Variants in ADAMTS7 observed in about 807,000 individuals in gnomAD.
The protein encoded by ADAMTS7 is A disintegrin and metalloproteinase with thrombospondin motifs 7.
In ADAMTS7, 89 loss-of-function variants were observed where a neutral mutation model predicts 172.6. The observed-to-expected ratio is 0.52, with a 90% CI of 0.43 to 0.61. The LOEUF (loss-of-function observed/expected upper bound fraction) is 0.61, where lower values mean the gene tolerates loss of function less well. Ranked by LOEUF, ADAMTS7 falls within the 20% of genes least tolerant of loss-of-function variation. ADAMTS7 has a pLI of 0.00. For missense variants in ADAMTS7, 1,973 were observed against 2,355.6 expected (o/e 0.84, Z 3.36); for synonymous variants, 885 against 978.4 (o/e 0.90, Z 1.78).
chr15:78,770,378 A>G (rs995290785), intron 16 of ADAMTS7, among the ~76,000 whole-genome samples: 4 of 148,938 alleles, frequency 2.7e-5, no homozygotes, highest in African/African-American at 1.0e-4. Flanking sequence ...AGTGTCAACA[A>G]TGGGAAGACT....
rs201113162 is a variant in ADAMTS7, at chr15:78,771,851, T to G, written c.2132-22A>C. On this transcript the variant is annotated intron_variant, in intron 14 of 23. Transcript: ENST00000388820. The surrounding 1 kb of genome is among the most constrained non-coding windows in gnomAD (Gnocchi z 4.9). ...TACCCTGTCAGCCAAGGGTTGTGCA[T>G]AGGTTGTGCCCAGGGTGAGAGGGTT... 9 of 1,603,680 alleles carry G rather than the reference T, an allele frequency of 5.6e-6. No individual in the cohort carries two copies. The highest frequency in any genetic ancestry group is 6.8e-6 in the Non-Finnish European group (8 of 1,177,752).
At chr15:78,777,013 A>G (rs1259081205) in intron 9 of ADAMTS7, 172 bp from the exon 10 acceptor site, 2 of 626,122 alleles carry the variant, frequency 3.2e-6, no homozygotes, top group Admixed American at 5.4e-5. Flanking sequence ...TCCCCGGACC[A>G]TGTGGTGGTG....
Position 78,811,299 on chromosome 15 carries a change from T to C in ADAMTS7, c.-79A>G. Reference sequence around the variant, plus strand: ...CGTCCGGTCGCTGCCTGGTCCCAGGTCCGGCTCAGGACATGCCCGGCCGGC... The same window carrying C: ...CGTCCGGTCGCTGCCTGGTCCCAGGCCCGGCTCAGGACATGCCCGGCCGGC... On this transcript the variant is annotated 5_prime_UTR_variant, in exon 1 of 24. Transcript: ENST00000388820. The C allele has an allele frequency of 8.2e-7, 1 of 1,215,198 alleles. No homozygotes were observed. The allele number at this position is 1,215,198 out of a possible 1,614,324, so 75.3% of individuals were successfully genotyped here. A position where few individuals can be genotyped will look rare whatever the true frequency, so the allele number is the denominator to read the frequency against.
At chr15:78,767,645 G>A (rs1460733686) in intron 17 of ADAMTS7, 53 bp from the exon 18 acceptor site, 2 of 1,477,880 alleles carry the variant, frequency 1.4e-6, no homozygotes, top group Non-Finnish European at 1.8e-6. Context: ...GTGGCCTGCA[G>A]GCTCACCAGC....
chr15:78,791,223 C>T lies in ADAMTS7; in HGVS notation c.820G>A (p.Val274Met). Reference sequence around the variant, plus strand: ...CTGGGGTCATGAAACAGGCCAGCCACCTGCCCAAGAGATGGGGGGGTCAGG... The same window carrying T: ...CTGGGGTCATGAAACAGGCCAGCCATCTGCCCAAGAGATGGGGGGGTCAGG... ...ESYVLTIMNMVAGLFHDPSIG... is the reference protein window; with the variant it reads ...ESYVLTIMNMMAGLFHDPSIG... Residue 274 changes from valine (V) to methionine (M), a missense_variant and splice_region_variant, in exon 5 of 24, where the codon GTG becomes ATG. Transcript: ENST00000388820. The T allele has an allele frequency of 6.2e-7, 1 of 1,612,218 alleles. No homozygotes were observed. The highest frequency in any genetic ancestry group is 2.2e-5 in the East Asian group (1 of 44,860).
At chr15:78,806,345 T>TA (rs2055797983) in intron 1 of ADAMTS7, among the ~76,000 whole-genome samples, 1 of 152,004 alleles carries the variant, frequency 6.6e-6, no homozygotes, top group African/African-American at 2.4e-5. Flanking sequence ...CTCATGGTGG[T>TA]AGGGGCACTG....
intron 23 of ADAMTS7, 132 bp from the exon 24 acceptor site, chr15:78,759,710 C>T (rs962721403): frequency 1.7e-6 from 2 of 1,203,042 alleles, no homozygotes; most frequent in South Asian, 1.7e-5. Flanking sequence ...TCTGGAGCGG[C>T]TCCCGAACCG....
rs57051574 is a variant in ADAMTS7 at position 78,768,418 on chromosome 15, C to T, written c.2519-159G>A. 0.029 allele frequency among the ~76,000 whole-genome samples: 4,352 copies of T among 152,246 alleles called. 560 individuals are homozygous for T. In the East Asian group the frequency reaches 0.36, roughly 13 times the overall value. On this transcript the variant is annotated intron_variant, in intron 16 of 23. Coordinates refer to ENST00000388820, the MANE Select transcript of ADAMTS7 (RefSeq NM_014272.5). ...CAGGATGAAGGCAGACCTCCACCGT[C>T]GCCTCCTCACTGTCCTCCTGGTTCT...
Position 78,799,533 on chromosome 15 carries a change from T to A in ADAMTS7, c.456+659A>T, listed in dbSNP as rs71407299. ...AAGGGGTTCCTCACCACACCCTGCATAATGGCTACAGGGTGAGGGGTAGCT... is the reference window on the plus strand; with the variant it reads ...AAGGGGTTCCTCACCACACCCTGCAAAATGGCTACAGGGTGAGGGGTAGCT... On this transcript the variant is annotated intron_variant, in intron 2 of 23. Transcript: ENST00000388820. Among the ~76,000 whole-genome samples the A allele has an allele frequency of 4.3e-5, 5 of 115,952 alleles. 1 individual carries two copies. In the East Asian group the frequency reaches 1.1e-3, roughly 25 times the overall value. 76.1% of individuals were successfully genotyped at this position (115,952 alleles called of 152,430 possible). A position where few individuals can be genotyped will look rare whatever the true frequency, so the allele number is the denominator to read the frequency against.
At chr15:78,761,854 C>A in intron 23 of ADAMTS7, 3 of 985,378 alleles carry the variant, frequency 3.0e-6, no homozygotes, top group Non-Finnish European at 3.6e-6. Flanking sequence ...CCAGGAAACC[C>A]CCCACCACTG....
In ADAMTS7 at chr15:78,797,997, C is replaced by T. The variant is rs754413088; in HGVS notation, c.573G>A (p.Arg191=). Residue 191 remains arginine, a synonymous_variant, in exon 3 of 24, where the codon AGG becomes AGA. Coordinates refer to ENST00000388820, the MANE Select transcript of ADAMTS7 (RefSeq NM_014272.5). ...HVVYKRQAPE[R]LAQRGDSSAP... ...CACTGGAATCACCCCGCTGTGCCAGCCTCTCCGGGGCCTGACGCTTGTACA... is the reference window on the plus strand; with the variant it reads ...CACTGGAATCACCCCGCTGTGCCAGTCTCTCCGGGGCCTGACGCTTGTACA... The T allele has an allele frequency of 1.3e-6, 2 of 1,591,478 alleles. No individual in the cohort carries two copies. Among genetic ancestry groups the T allele is most frequent in the Non-Finnish European group, 1.7e-6 (2 of 1,171,170 alleles).
intron 1 of ADAMTS7, among the ~76,000 whole-genome samples, chr15:78,802,817 T>C (rs1452268702): frequency 1.3e-5 from 2 of 152,036 alleles, no homozygotes; most frequent in Non-Finnish European, 1.5e-5. Context: ...GCCAACATAG[T>C]GAAACCCCAT....
Position 78,766,560 on chromosome 15 carries a change from A to G in ADAMTS7, c.3351T>C (p.Pro1117=). ...TGSPVPATEP[P]AAKEEGVLGP... ...CCAGTACCCCCTCCTCCTTGGCTGC[A>G]GGAGGCTCTGTGGCAGGCACGGGGC... Residue 1117 remains proline (P), a synonymous_variant, in exon 19 of 24, where the codon CCT becomes CCC. Transcript: ENST00000388820. 6.2e-7 allele frequency: 1 copy of G among 1,602,664 alleles called. No individual in the cohort carries two copies. The highest frequency in any genetic ancestry group is 1.3e-5 in the African/African-American group (1 of 74,730).
chr15:78,768,733 GC>G (rs1229107134), intron 16 of ADAMTS7, among the ~76,000 whole-genome samples: 1 of 152,214 alleles, frequency 6.6e-6, no homozygotes, highest in African/African-American at 2.4e-5. Context: ...TGCAAACCCA[GC>G]CATGGCTCCT....
intron 1 of ADAMTS7, among the ~76,000 whole-genome samples, chr15:78,806,967 A>T (rs2055805480): frequency 6.6e-6 from 1 of 152,104 alleles, no homozygotes. Flanking sequence ...GAGTTTCGCC[A>T]TGTTGGCCAG....
At chr15:78,785,095 G>A (rs1281428819) in intron 8 of ADAMTS7, among the ~76,000 whole-genome samples, 1 of 152,168 alleles carries the variant, frequency 6.6e-6, no homozygotes, top group Admixed American at 6.5e-5. Flanking sequence ...ACACAGGGAA[G>A]TTGGGAGGAG....
intron 4 of ADAMTS7, among the ~76,000 whole-genome samples, chr15:78,791,753 A>G (rs1423782385): frequency 6.6e-6 from 1 of 152,156 alleles, no homozygotes; most frequent in Non-Finnish European, 1.5e-5. Flanking sequence ...GCACAGGCCT[A>G]TGGAGCCTGC....
chr15:78,764,007 C>A lies in ADAMTS7; in HGVS notation c.4512G>T (p.Gln1504His). The A allele has an allele frequency of 1.3e-6, 2 of 1,543,624 alleles. No individual in the cohort carries two copies. Among genetic ancestry groups the A allele is most frequent in the Non-Finnish European group, 8.7e-7 (1 of 1,143,504 alleles). ...GCGCAGGCGGCTTGGCAGGCCCGGGCTGACAATGGAAGGGCCGCAGTGGCC... is the reference window on the plus strand; with the variant it reads ...GCGCAGGCGGCTTGGCAGGCCCGGGATGACAATGGAAGGGCCGCAGTGGCC... ...DLRPLRPFHC[Q>H]PGPAKPPAHR... Residue 1504 changes from glutamine to histidine, a missense_variant, in exon 21 of 24, where the codon CAG (glutamine) becomes CAT (histidine). Coordinates refer to ENST00000388820, the MANE Select transcript of ADAMTS7 (RefSeq NM_014272.5).
intron 3 of ADAMTS7, among the ~76,000 whole-genome samples, chr15:78,797,156 C>G (rs1567237393): frequency 6.6e-6 from 1 of 152,210 alleles, no homozygotes; most frequent in South Asian, 2.1e-4. Flanking sequence ...TTCCTCCCAC[C>G]CTGGGGGCTT....
Sources: allele counts gnomAD v4.1 joint callset (sites outside exome capture counted in the v4.1 genomes callset), GRCh38; gene constraint gnomAD v4.1.1; non-coding constraint Gnocchi (gnomAD v3.1); transcripts MANE v1.5; gene names NCBI Gene and HGNC (gene_info 2026-07-23, HGNC 2026-07-21).